The following ERC2 variants were observed in gnomAD, a reference collection of about 807,000 sequenced individuals.
The protein encoded by ERC2 is ERC protein 2.
ERC2 carries 42 observed loss-of-function variants against 114.8 expected under a neutral mutation model. That is an observed-to-expected ratio of 0.37 (90% CI 0.29 to 0.47). ERC2 has a LOEUF of 0.47. Among genes scored for constraint, ERC2 ranks in the 20% least tolerant of loss-of-function variants. The pLI is 0.99. For synonymous variants in ERC2, 454 were observed against 425.5 expected, an observed-to-expected ratio of 1.07 and a Z score of -0.82; for missense variants, 939 against 1,150.7, an observed-to-expected ratio of 0.82 and a Z score of 2.66.
At chr3:56,250,755 CCTAAG>C (rs1472950832) in intron 3 of ERC2, among the ~76,000 whole-genome samples, 2 of 152,186 alleles carry the variant, frequency 1.3e-5, no homozygotes, top group Admixed American at 1.3e-4. Flanking sequence ...CATGACTATA[CCTAAG>C]TAAAGTTGCC....
At chr3:55,558,760 G>A (rs566780625) in intron 17 of ERC2, among the ~76,000 whole-genome samples, 5 of 152,078 alleles carry the variant, frequency 3.3e-5, no homozygotes, top group Non-Finnish European at 7.4e-5. Flanking sequence ...TTTAATATGC[G>A]CCTCATAATG....
At chr3:56,412,188 G>A (rs9882325) in intron 2 of ERC2, among the ~76,000 whole-genome samples, 2,854 of 152,260 alleles carry the variant, frequency 0.019, 96 homozygotes, top group African/African-American at 0.065. Context: ...ACAATGCTGC[G>A]TCAACAAGCC....
intron 14 of ERC2, among the ~76,000 whole-genome samples, chr3:55,815,945 CTCAGGTATCT>C (rs969306214): frequency 2.0e-5 from 3 of 152,206 alleles, no homozygotes; most frequent in African/African-American, 7.2e-5. Flanking sequence ...ACCAGACTGC[CTCAGGTATCT>C]TCTTAGAGGG....
intron 2 of ERC2, among the ~76,000 whole-genome samples, chr3:56,357,475 C>G (rs1321498221): frequency 6.6e-6 from 1 of 152,106 alleles, no homozygotes; most frequent in Non-Finnish European, 1.5e-5. Context: ...CCTGCATAGG[C>G]CCAGGCTGAC....
chr3:56,094,042 A>T (rs1490312775), intron 6 of ERC2, among the ~76,000 whole-genome samples: 1 of 152,202 alleles, frequency 6.6e-6, no homozygotes, highest in African/African-American at 2.4e-5. Flanking sequence ...GATCTTCTTT[A>T]AATTGATTTA....
intron 15 of ERC2, among the ~76,000 whole-genome samples, chr3:55,703,612 C>T (rs541431953): frequency 1.8e-4 from 27 of 152,252 alleles, no homozygotes; most frequent in Non-Finnish European, 3.4e-4. Context: ...TGTGGATTGC[C>T]CTTGCACTCT....
At chr3:56,098,223 G>A (rs535751905) in intron 6 of ERC2, among the ~76,000 whole-genome samples, 4 of 152,184 alleles carry the variant, frequency 2.6e-5, no homozygotes, top group Non-Finnish European at 4.4e-5. Context: ...AGACAAGTAA[G>A]GATGTTTTCA....
At chr3:56,255,448 T>C (rs545776045) in intron 3 of ERC2, among the ~76,000 whole-genome samples, 4 of 152,314 alleles carry the variant, frequency 2.6e-5, no homozygotes, top group Non-Finnish European at 5.9e-5. Flanking sequence ...TTGAGTCCTA[T>C]AAGGCTGTCC....
At chr3:55,645,618 T>G (rs2148664449) in intron 17 of ERC2, among the ~76,000 whole-genome samples, 1 of 152,322 alleles carries the variant, frequency 6.6e-6, no homozygotes, top group South Asian at 2.1e-4. Flanking sequence ...TTCACTGTGT[T>G]TCTTGATGCT....
rs2067427471 is a variant in ERC2, at chr3:55,950,533, C to T, written c.2295G>A (p.Val765=). Residue 765 remains valine (V), a synonymous_variant, in exon 13 of 18, where the codon GTG becomes GTA. Coordinates refer to ENST00000288221, the MANE Select transcript of ERC2 (RefSeq NM_015576.3). ...ACTGTTGATTGTGCTTGAGGTTGGC[C>T]ACCTTCTTATTCTGATCTTTCATAT... ...LRHMKDQNKK[V]ANLKHNQQLE... 3.1e-6 allele frequency: 5 copies of T among 1,613,874 alleles called. No homozygotes were observed. In the Admixed American group the frequency reaches 8.3e-5, roughly 27 times the overall value.
intron 17 of ERC2, among the ~76,000 whole-genome samples, chr3:55,527,179 A>G (rs1337774864): frequency 6.6e-6 from 1 of 152,236 alleles, no homozygotes; most frequent in African/African-American, 2.4e-5. Flanking sequence ...TTAGCCCATG[A>G]TTAGCTATGC....
intron 17 of ERC2, among the ~76,000 whole-genome samples, chr3:55,675,537 G>T (rs1328872167): frequency 6.6e-6 from 1 of 152,146 alleles, no homozygotes; most frequent in East Asian, 1.9e-4. Flanking sequence ...ATGTCGTCTT[G>T]GTTTTCCCCT....
intron 3 of ERC2, among the ~76,000 whole-genome samples, chr3:56,197,979 C>T (rs569727251): frequency 1.2e-4 from 19 of 152,200 alleles, no homozygotes; most frequent in African/African-American, 3.9e-4. Context: ...CTGTGGAACA[C>T]GTAGTTAACT....
intron 14 of ERC2, among the ~76,000 whole-genome samples, chr3:55,826,332 A>G (rs1025780703): frequency 1.3e-5 from 2 of 152,206 alleles, no homozygotes; most frequent in African/African-American, 2.4e-5. Flanking sequence ...CAGAACAGTC[A>G]GAATTAGGGC....
At chr3:55,530,943 C>G (rs908126717) in intron 17 of ERC2, among the ~76,000 whole-genome samples, 1 of 152,166 alleles carries the variant, frequency 6.6e-6, no homozygotes, top group Non-Finnish European at 1.5e-5. Context: ...ATAATTTGAT[C>G]GGGAGGTCAT....
At chr3:55,898,406 T>C (rs1228650861) in intron 13 of ERC2, among the ~76,000 whole-genome samples, 1 of 152,242 alleles carries the variant, frequency 6.6e-6, no homozygotes, top group South Asian at 2.1e-4. Context: ...AGTATAGGGA[T>C]AGTAAAGGAT....
chr3:56,297,356 T>C (rs1245777338), intron 2 of ERC2, among the ~76,000 whole-genome samples: 1 of 152,154 alleles, frequency 6.6e-6, no homozygotes, highest in Admixed American at 6.5e-5. Flanking sequence ...CACCTTTTGT[T>C]TTCCTAAATC....
intron 17 of ERC2, among the ~76,000 whole-genome samples, chr3:55,513,085 G>A (rs1234485669): frequency 2.6e-5 from 4 of 152,300 alleles, no homozygotes; most frequent in Non-Finnish European, 5.9e-5. Flanking sequence ...AGTCACAGCG[G>A]CCCTTACCCT....
At chr3:55,649,951 G>C (rs897064047) in intron 17 of ERC2, among the ~76,000 whole-genome samples, 6 of 152,188 alleles carry the variant, frequency 3.9e-5, no homozygotes, top group African/African-American at 1.4e-4. Flanking sequence ...GGAGGCAGAG[G>C]GGCCGGCAGG....
Sources: allele counts gnomAD v4.1 joint callset (sites outside exome capture counted in the v4.1 genomes callset), GRCh38; gene constraint gnomAD v4.1.1; transcripts MANE v1.5; gene names NCBI Gene and HGNC (gene_info 2026-07-23, HGNC 2026-07-21).